The following DPYSL2 variants were observed in gnomAD, a reference collection of about 807,000 sequenced individuals.
DPYSL2 encodes dihydropyrimidinase-related protein 2.
Under a neutral mutation model 69.9 loss-of-function variants are expected in DPYSL2, and 13 were observed. The observed-to-expected ratio is 0.19, with a 90% CI of 0.12 to 0.30. DPYSL2 has a LOEUF of 0.30. Ranked by LOEUF, DPYSL2 falls within the 10% of genes least tolerant of loss-of-function variation. DPYSL2 has a pLI of 1.00. For missense variants in DPYSL2, 587 were observed against 918.9 expected (o/e 0.64, Z 4.67); for synonymous variants, 326 against 359.1 (o/e 0.91, Z 1.04).
In DPYSL2 at chr8:26,654,131, G is replaced by A. The variant is rs1166976818; in HGVS notation, c.1942+734G>A. On this transcript the variant is annotated intron_variant, in intron 13 of 13. Coordinates refer to ENST00000521913, the MANE Select transcript of DPYSL2 (RefSeq NM_001197293.3). The surrounding 1 kb of genome is among the most constrained non-coding windows in gnomAD (Gnocchi z 5.0). ...TGGCTGTGCTTCAGTCTCCTCACCT[G>A]TATAATGGCAATAATAGTAGTTGCT... 1.3e-5 allele frequency among the ~76,000 whole-genome samples: 2 copies of A among 152,162 alleles called. No individual in the cohort carries two copies. The highest frequency in any genetic ancestry group is 2.9e-5 in the Non-Finnish European group (2 of 68,028).
rs1417710906 is a variant in DPYSL2 at position 26,533,909 on chromosome 8, C to G, written c.354+19230C>G. ...GGTCTTAATTAATGCAACTGAAAAGCAGGTCTGGTGAGAATGAGTAACAGT... is the reference window on the plus strand; with the variant it reads ...GGTCTTAATTAATGCAACTGAAAAGGAGGTCTGGTGAGAATGAGTAACAGT... On this transcript the variant is annotated intron_variant, in intron 1 of 13. Coordinates refer to ENST00000521913, the MANE Select transcript of DPYSL2 (RefSeq NM_001197293.3). The surrounding 1 kb of genome is among the most constrained non-coding windows in gnomAD (Gnocchi z 4.8). 1.3e-5 allele frequency among the ~76,000 whole-genome samples: 2 copies of G among 152,302 alleles called. No homozygotes were observed. Among genetic ancestry groups the G allele is most frequent in the African/African-American group, 4.8e-5 (2 of 41,568 alleles).
intron 1 of DPYSL2, among the ~76,000 whole-genome samples, chr8:26,561,430 A>G (rs1034367911): frequency 6.6e-6 from 1 of 152,052 alleles, no homozygotes. Flanking sequence ...TTAAGCCCCA[A>G]CTTCTCACTT....
intron 1 of DPYSL2, among the ~76,000 whole-genome samples, chr8:26,559,968 G>T (rs1035628445): frequency 2.0e-5 from 3 of 152,150 alleles, no homozygotes; most frequent in Non-Finnish European, 4.4e-5. Flanking sequence ...CACACCTGGA[G>T]ACCACGTTCC....
At position 26,560,869 on chromosome 8, in the gene DPYSL2, G is replaced by T. The variant is rs750481789; in HGVS notation, c.355-21100G>T. On this transcript the variant is annotated intron_variant, in intron 1 of 13. Coordinates refer to ENST00000521913, the MANE Select transcript of DPYSL2 (RefSeq NM_001197293.3). The surrounding 1 kb of genome is among the most constrained non-coding windows in gnomAD (Gnocchi z 4.4). ...ACCCATTTTCCAACCAGAAAGGAAA[G>T]AAACATCATTAATCATATGATGAGT... 6.6e-6 allele frequency among the ~76,000 whole-genome samples: 1 copy of T among 152,192 alleles called. No individual in the cohort carries two copies. Among genetic ancestry groups the T allele is most frequent in the Non-Finnish European group, 1.5e-5 (1 of 68,032 alleles).
chr8:26,609,643 A>T lies in DPYSL2; in HGVS notation c.629-14500A>T, dbSNP rs1802184229. Among the ~76,000 whole-genome samples, 1 of 152,128 alleles carries T rather than the reference A, an allele frequency of 6.6e-6. No homozygotes were observed. Among genetic ancestry groups the T allele is most frequent in the Admixed American group, 6.5e-5 (1 of 15,280 alleles). The stretch of plus-strand genomic sequence containing the variant: ...TCGTTATTCACATGTTTCTCTGGCC[A>T]CCTCATCGGGCTGGACGCTGCCGGC... On this transcript the variant is annotated intron_variant, in intron 3 of 13. Coordinates refer to ENST00000521913, the MANE Select transcript of DPYSL2 (RefSeq NM_001197293.3). This position sits in a 1 kb window ranked among gnomAD's most constrained non-coding sequence, Gnocchi z 6.5.
chr8:26,604,835 C>T (rs1802075056), intron 3 of DPYSL2, among the ~76,000 whole-genome samples: 1 of 151,748 alleles, frequency 6.6e-6, no homozygotes, highest in Non-Finnish European at 1.5e-5. Flanking sequence ...CTAATTTTTG[C>T]ATTTTTTTTT....
intron 1 of DPYSL2, chr8:26,547,835 T>C: frequency 2.8e-6 from 1 of 352,790 alleles, no homozygotes. Context: ...GTCATATATC[T>C]GAATCAGCTC....
intron 1 of DPYSL2, among the ~76,000 whole-genome samples, chr8:26,581,067 CT>C (rs765001642): frequency 6.6e-6 from 1 of 152,106 alleles, no homozygotes; most frequent in Non-Finnish European, 1.5e-5. Context: ...GGGAGTTTAC[CT>C]TTTTCTTAAC....
rs1460683241 is a variant in DPYSL2 at position 26,643,726 on chromosome 8, T to C, written c.1283+131T>C. 1.0e-5 allele frequency: 14 copies of C among 1,373,798 alleles called. No homozygotes were observed. Among genetic ancestry groups the C allele is most frequent in the Non-Finnish European group, 1.4e-5 (14 of 991,610 alleles). 85.1% of individuals were successfully genotyped at this position (1,373,798 alleles called of 1,614,324 possible). A position where few individuals can be genotyped will look rare whatever the true frequency, so the allele number is the denominator to read the frequency against. On this transcript the variant is annotated intron_variant, in intron 9 of 13. Coordinates refer to ENST00000521913, the MANE Select transcript of DPYSL2 (RefSeq NM_001197293.3). This position sits in a 1 kb window ranked among gnomAD's most constrained non-coding sequence, Gnocchi z 6.5. ...GAGACCCTTGTTCACCAAACTAGGT[T>C]GGCTACATGAGTACAGGGAATTGTC... is the stretch of plus-strand genomic sequence containing the variant.
Position 26,621,365 on chromosome 8 carries a change from A to G in DPYSL2, c.629-2778A>G, listed in dbSNP as rs757246993. Among the ~76,000 whole-genome samples the G allele has an allele frequency of 7.2e-5, 11 of 152,182 alleles. No homozygotes were observed. The highest frequency in any genetic ancestry group is 4.1e-4 in the South Asian group (2 of 4,828). ...TGGCCAGTGAAAGGAATGCATTTCC[A>G]TAAGTGAGGGTCTGGCAGAGCAGTG... is the stretch of plus-strand genomic sequence containing the variant. On this transcript the variant is annotated intron_variant, in intron 3 of 13. Coordinates refer to ENST00000521913, the MANE Select transcript of DPYSL2 (RefSeq NM_001197293.3). The surrounding 1 kb of genome is among the most constrained non-coding windows in gnomAD (Gnocchi z 4.9).
At chr8:26,596,841 TAGAC>T (rs1380934627) in intron 3 of DPYSL2, among the ~76,000 whole-genome samples, 2 of 152,206 alleles carry the variant, frequency 1.3e-5, no homozygotes, top group Non-Finnish European at 2.9e-5. Flanking sequence ...TTGTAGCAGT[TAGAC>T]AGCCTGCTCA....
intron 8 of DPYSL2, among the ~76,000 whole-genome samples, chr8:26,638,358 C>A (rs1802963833): frequency 6.6e-6 from 1 of 152,184 alleles, no homozygotes; most frequent in Admixed American, 6.5e-5. Context: ...AAATGATAAT[C>A]CTGCCCTGGG....
At position 26,565,851 on chromosome 8, in the gene DPYSL2, T is replaced by C. The variant is rs867743394; in HGVS notation, c.355-16118T>C. On this transcript the variant is annotated intron_variant, in intron 1 of 13. Coordinates refer to ENST00000521913, the MANE Select transcript of DPYSL2 (RefSeq NM_001197293.3). This position sits in a 1 kb window ranked among gnomAD's most constrained non-coding sequence, Gnocchi z 4.1. ...CTTCAACACACAGCTCCCAAGGTTG[T>C]CTGGGCAATCATCATCCCGTCAGCT... Among the ~76,000 whole-genome samples the C allele has an allele frequency of 1.3e-5, 2 of 152,196 alleles. No individual in the cohort carries two copies. Among genetic ancestry groups the C allele is most frequent in the Non-Finnish European group, 2.9e-5 (2 of 68,038 alleles).
chr8:26,643,267 G>C lies in DPYSL2; in HGVS notation c.1127-172G>C. 1 of 621,124 alleles carries C rather than the reference G, an allele frequency of 1.6e-6. No homozygotes were observed. The highest frequency in any genetic ancestry group is 2.6e-6 in the Non-Finnish European group (1 of 383,618). 38.5% of individuals were successfully genotyped at this position (621,124 alleles called of 1,614,324 possible). A position where few individuals can be genotyped will look rare whatever the true frequency, so the allele number is the denominator to read the frequency against. On this transcript the variant is annotated intron_variant, in intron 8 of 13. Coordinates refer to ENST00000521913, the MANE Select transcript of DPYSL2 (RefSeq NM_001197293.3). The surrounding 1 kb of genome is among the most constrained non-coding windows in gnomAD (Gnocchi z 6.5). ...GGGAGCTCATGACAGGCTGGCAGAG[G>C]TACTGAATTTCTCCAAGTCTCAGTT...
intron 3 of DPYSL2, among the ~76,000 whole-genome samples, chr8:26,611,424 G>C (rs1477474763): frequency 1.3e-5 from 2 of 152,194 alleles, no homozygotes; most frequent in African/African-American, 4.8e-5. Context: ...GGTCTCTGGA[G>C]GACACGGTGG....
chr8:26,592,696 C>T (rs192624683), intron 3 of DPYSL2, among the ~76,000 whole-genome samples: 3 of 147,992 alleles, frequency 2.0e-5, no homozygotes, highest in East Asian at 2.1e-4. Flanking sequence ...AGGCTGGTCA[C>T]GAACTCCTGA....
In DPYSL2 at chr8:26,652,374, C is replaced by T. The variant is rs773717246; in HGVS notation, c.1714C>T (p.Arg572Cys). The change falls in exon 12 of 14, where the codon CGC becomes TGC. Residue 572 changes from arginine (R) to cysteine (C), a missense_variant. Physicochemically the swap from Arg to Cys is radical, Grantham distance 180 (BLOSUM62 -3). Around this residue, in one of 3 missense-constraint regions of DPYSL2, gnomAD observed 452 missense variants for 754.3 expected, o/e 0.60. Transcript: ENST00000521913. The surrounding 1 kb of genome is among the most constrained non-coding windows in gnomAD (Gnocchi z 6.3). ...CCTGCATGTCACCGAAGGCTCTGGA[C>T]GCTACATTCCCCGGAAGCCCTTCCC... ...GTLHVTEGSGRYIPRKPFPDF... is the reference protein window; with the variant it reads ...GTLHVTEGSGCYIPRKPFPDF... 6.2e-6 allele frequency: 10 copies of T among 1,614,192 alleles called. No homozygotes were observed. Among genetic ancestry groups the T allele is most frequent in the South Asian group, 5.5e-5 (5 of 91,078 alleles).
intron 8 of DPYSL2, among the ~76,000 whole-genome samples, chr8:26,638,459 G>A (rs190520630): frequency 9.3e-4 from 141 of 152,308 alleles, no homozygotes; most frequent in Non-Finnish European, 1.7e-3. Context: ...GAGAAGTTCG[G>A]GGAAGTGAGG....
At chr8:26,550,738 G>C (rs1481465494) in intron 1 of DPYSL2, among the ~76,000 whole-genome samples, 1 of 152,182 alleles carries the variant, frequency 6.6e-6, no homozygotes, top group Non-Finnish European at 1.5e-5. Flanking sequence ...CTGTCTGCAA[G>C]CTGGAGAACC....
Sources: gnomAD v4.1 joint callset for allele counts (sites outside exome capture counted in the v4.1 genomes callset) on GRCh38, gnomAD v4.1.1 for gene constraint, gnomAD v4.1.1 regional missense constraint, Gnocchi (gnomAD v3.1) non-coding constraint, MANE v1.5 for transcripts, NCBI Gene and HGNC (gene_info 2026-07-23, HGNC 2026-07-21) for gene names.